Variants in NRP1 observed in about 807,000 individuals in gnomAD.
NRP1 encodes the protein neuropilin 1, also known as neuropilin-1.
Under a neutral mutation model 106.7 loss-of-function variants are expected in NRP1, and 35 were observed. That is an observed-to-expected ratio of 0.33 (90% CI 0.25 to 0.43). The LOEUF is 0.43. Ranked by LOEUF, NRP1 falls within the 20% of genes least tolerant of loss-of-function variation. NRP1 has a pLI of 1.00. For synonymous variants in NRP1, 437 were observed against 417.9 expected (o/e 1.05, Z -0.56); for missense variants, 1,024 against 1,170.4 (o/e 0.87, Z 1.83).
chr10:33,229,609 C>T (rs1426611335), intron 6 of NRP1, among the ~76,000 whole-genome samples: 1 of 152,032 alleles, frequency 6.6e-6, no homozygotes, highest in Non-Finnish European at 1.5e-5. Context: ...CCCTGGTTGT[C>T]CTTTTTCTAT....
At position 33,226,191 on chromosome 10, in the gene NRP1, G is replaced by C. The variant is rs139187411; in HGVS notation, c.1080C>G (p.Ile360Met). 1 of 1,614,100 alleles carries C rather than the reference G, an allele frequency of 6.2e-7. No homozygotes were observed. Among genetic ancestry groups the C allele is most frequent in the Non-Finnish European group, 8.5e-7 (1 of 1,180,012 alleles). The change falls in exon 7 of 17, where the codon ATC becomes ATG. Residue 360 changes from isoleucine (I) to methionine (M), a missense_variant. Physicochemically the swap from Ile to Met is conservative, Grantham distance 10 (BLOSUM62 1). Around this residue, in one of 5 missense-constraint regions of NRP1, gnomAD observed 562 missense variants for 620.3 expected, o/e 0.91. Coordinates refer to ENST00000374867, the MANE Select transcript of NRP1 (RefSeq NM_003873.7). ...KKKYYVKTYK[I>M]DVSSNGEDWI... ...AGTCTTCCCCGTTGGAGCTAACGTC[G>C]ATCTTGTAAGTCTTGACATAATATT...
intron 2 of NRP1, among the ~76,000 whole-genome samples, chr10:33,271,934 A>G (rs1843336111): frequency 6.6e-6 from 1 of 152,220 alleles, no homozygotes; most frequent in Non-Finnish European, 1.5e-5. Context: ...AAACATTACA[A>G]GGCATTCATT....
chr10:33,219,675 A>G (rs1412282860), intron 8 of NRP1, among the ~76,000 whole-genome samples: 1 of 152,236 alleles, frequency 6.6e-6, no homozygotes, highest in Non-Finnish European at 1.5e-5. Flanking sequence ...TCTCAGGGAA[A>G]TCCTTGTGAA....
At chr10:33,184,136 C>T (rs890868790) in intron 15 of NRP1, among the ~76,000 whole-genome samples, 35 of 152,082 alleles carry the variant, frequency 2.3e-4, no homozygotes, top group Non-Finnish European at 4.0e-4. Context: ...CTCAGCCTTC[C>T]GAGTAGCTGG....
intron 2 of NRP1, among the ~76,000 whole-genome samples, chr10:33,313,464 A>C (rs1195507360): frequency 2.0e-5 from 3 of 152,162 alleles, no homozygotes; most frequent in Non-Finnish European, 4.4e-5. Context: ...AAAATAGCTC[A>C]TGTACCCCAG....
intron 6 of NRP1, among the ~76,000 whole-genome samples, chr10:33,249,084 G>GTTTTTTTTTTTTTTTTTTTTT (rs750905931): frequency 4.2e-5 from 3 of 72,200 alleles, no homozygotes; most frequent in African/African-American, 5.8e-5. Flanking sequence ...TATGTCTCTT[G>GTTTTTTTTTTTTTTTTTTTTT]TTTTTTTTTT....
intron 2 of NRP1, among the ~76,000 whole-genome samples, chr10:33,282,106 C>A (rs1205639301): frequency 6.6e-6 from 1 of 150,728 alleles, no homozygotes; most frequent in African/African-American, 2.4e-5. Flanking sequence ...TTAAATAAAG[C>A]AATTTATATA....
chr10:33,320,039 GTGGTGGCTCACGCCTGTAA>G (rs2132871968), intron 2 of NRP1, among the ~76,000 whole-genome samples: 1 of 151,848 alleles, frequency 6.6e-6, no homozygotes, highest in South Asian at 2.1e-4. Flanking sequence ...GGGGCCGGGC[GTGGTGGCTCACGCCTGTAA>G]TCCCAGCACT....
At chr10:33,182,583 T>C in intron 16 of NRP1, 115 bp downstream of exon 16, 1 of 739,662 alleles carries the variant, frequency 1.4e-6, no homozygotes, top group Non-Finnish European at 2.3e-6. Context: ...GCATAGATGT[T>C]TTTTATTTGA....
intron 2 of NRP1, among the ~76,000 whole-genome samples, chr10:33,303,446 C>A (rs1223276486): frequency 6.6e-6 from 1 of 152,192 alleles, no homozygotes; most frequent in Non-Finnish European, 1.5e-5. Context: ...ACTTTTCAAT[C>A]CCAGGGGATT....
At chr10:33,274,865 C>T (rs1168489441) in intron 2 of NRP1, among the ~76,000 whole-genome samples, 1 of 152,066 alleles carries the variant, frequency 6.6e-6, no homozygotes, top group Non-Finnish European at 1.5e-5. Flanking sequence ...ATGATGTTGG[C>T]GAACACAATT....
chr10:33,239,644 T>C (rs1313241487), intron 6 of NRP1, among the ~76,000 whole-genome samples: 1 of 152,246 alleles, frequency 6.6e-6, no homozygotes, highest in African/African-American at 2.4e-5. Context: ...GTCCACACTG[T>C]GTGAAGTATT....
chr10:33,206,801 T>A (rs1359990130), intron 10 of NRP1, among the ~76,000 whole-genome samples: 1 of 152,156 alleles, frequency 6.6e-6, no homozygotes, highest in African/African-American at 2.4e-5. Context: ...AACGGTACAA[T>A]AACCCACTCA....
At chr10:33,295,821 A>G (rs1845345485) in intron 2 of NRP1, among the ~76,000 whole-genome samples, 1 of 152,252 alleles carries the variant, frequency 6.6e-6, no homozygotes, top group Non-Finnish European at 1.5e-5. Context: ...ACATAAAAAT[A>G]AACAGCAAAG....
intron 13 of NRP1, among the ~76,000 whole-genome samples, chr10:33,191,785 C>G (rs2506149): frequency 6.6e-6 from 1 of 151,508 alleles, no homozygotes; most frequent in East Asian, 1.9e-4. Context: ...GAGACCAGCC[C>G]GGCCAATGTG....
chr10:33,229,562 A>G lies in NRP1; in HGVS notation c.982-3273T>C, dbSNP rs1839941715. 3.3e-5 allele frequency among the ~76,000 whole-genome samples: 5 copies of G among 152,296 alleles called. No individual in the cohort carries two copies. In the South Asian group the frequency reaches 1.0e-3, roughly 32 times the overall value. On this transcript the variant is annotated intron_variant, in intron 6 of 16. Coordinates refer to ENST00000374867, the MANE Select transcript of NRP1 (RefSeq NM_003873.7). The stretch of plus-strand genomic sequence containing the variant: ...ATTAAATTCCCAAGAGTGTGTATTC[A>G]GCTTGGGCTGATTTGAAACAACCCT...
chr10:33,179,394 T>C lies in NRP1; in HGVS notation c.*682A>G, dbSNP rs1338755841. The C allele has an allele frequency of 6.5e-6, 1 of 152,746 alleles. No homozygotes were observed. The highest frequency in any genetic ancestry group is 1.5e-5 in the Non-Finnish European group (1 of 68,144). 9.5% of individuals were successfully genotyped at this position (152,746 alleles called of 1,614,324 possible). A position where few individuals can be genotyped will look rare whatever the true frequency, so the allele number is the denominator to read the frequency against. On this transcript the variant is annotated 3_prime_UTR_variant, in exon 17 of 17. Coordinates refer to ENST00000374867, the MANE Select transcript of NRP1 (RefSeq NM_003873.7). Reference sequence around the variant, plus strand: ...TTTGTTGTTGCGGTTGTCAGCAGTATACCCAGTGGCCAGCCGTGTTCAGGG... The same window carrying C: ...TTTGTTGTTGCGGTTGTCAGCAGTACACCCAGTGGCCAGCCGTGTTCAGGG...
chr10:33,282,016 T>C (rs1588913285), intron 2 of NRP1, among the ~76,000 whole-genome samples: 1 of 152,312 alleles, frequency 6.6e-6, no homozygotes, highest in African/African-American at 2.4e-5. Context: ...TTCTGAAAAA[T>C]ACTGTTTGGA....
Position 33,203,007 on chromosome 10 carries a change from T to C in NRP1, c.1760-12A>G, listed in dbSNP as rs781010377. ...TCCAGCTGTAGGGGCTGAAACAAGA[T>C]CCAAGGATTATTATCTCACACCTTG... is the stretch of plus-strand genomic sequence containing the variant. On this transcript the variant is annotated splice_polypyrimidine_tract_variant and intron_variant, in intron 10 of 16. Coordinates refer to ENST00000374867, the MANE Select transcript of NRP1 (RefSeq NM_003873.7). 1.7e-5 allele frequency: 27 copies of C among 1,604,914 alleles called. No homozygotes were observed. Among genetic ancestry groups the C allele is most frequent in the Non-Finnish European group, 2.1e-5 (25 of 1,175,120 alleles).
Sources: allele counts gnomAD v4.1 joint callset (sites outside exome capture counted in the v4.1 genomes callset), GRCh38; gene constraint gnomAD v4.1.1; regional missense constraint gnomAD v4.1.1; transcripts MANE v1.5; gene names NCBI Gene and HGNC (gene_info 2026-07-23, HGNC 2026-07-21).